MVB12B: variants seen among roughly 807,000 people sequenced by gnomAD.
MVB12B encodes ESCRT-I complex subunit MVB12B.
In MVB12B, 16 loss-of-function variants were observed where a neutral mutation model predicts 41.6. The observed-to-expected ratio is 0.38, with a 90% CI of 0.26 to 0.58. MVB12B has a LOEUF of 0.58. Among genes scored for constraint, MVB12B ranks in the 20% least tolerant of loss-of-function variants. MVB12B has a pLI of 0.62. For synonymous variants in MVB12B, 133 were observed against 139.7 expected, an observed-to-expected ratio of 0.95 and a Z score of 0.34; for missense variants, 274 against 380.2, an observed-to-expected ratio of 0.72 and a Z score of 2.32.
rs189109741 is a variant in MVB12B, at chr9:126,406,512, A to G, written c.662+10815A>G. Among the ~76,000 whole-genome samples the G allele has an allele frequency of 3.2e-3, 485 of 152,312 alleles. 4 individuals are homozygous for G. Among genetic ancestry groups the G allele is most frequent in the African/African-American group, 0.011 (454 of 41,570 alleles). On this transcript the variant is annotated intron_variant, in intron 6 of 9. Coordinates refer to ENST00000361171, the MANE Select transcript of MVB12B (RefSeq NM_033446.3). ...ACTTTGGCAGTCCCCCGACTCTTGA[A>G]TTTTCGAAAAGCGGATGTTTTAGTA... is the stretch of plus-strand genomic sequence containing the variant.
intron 6 of MVB12B, among the ~76,000 whole-genome samples, chr9:126,403,950 C>CTTTTTTTTTTTTTTTTTTTTTTTTTTTT (rs36030597): frequency 9.5e-6 from 1 of 104,752 alleles, no homozygotes; most frequent in Non-Finnish European, 1.9e-5. Flanking sequence ...TCCTTTAAAT[C>CTTTTTTTTTTTTTTTTTTTTTTTTTTTT]TTTTTTTTTT....
At chr9:126,442,812 T>C (rs10987279) in intron 7 of MVB12B, among the ~76,000 whole-genome samples, 37,342 of 152,072 alleles carry the variant, frequency 0.25, 5,396 homozygotes, top group African/African-American at 0.4. Context: ...GGCAGAAGTG[T>C]ATCCTCTTCC....
rs528718570 is a variant in MVB12B at position 126,434,720 on chromosome 9, G to T, written c.757+12772G>T. On this transcript the variant is annotated intron_variant, in intron 7 of 9. Coordinates refer to ENST00000361171, the MANE Select transcript of MVB12B (RefSeq NM_033446.3). ...CACTCACCCCTATTTTGCCAAAGGT[G>T]GTAGTGCCTTTTGTAGGCCCAAGAC... Among the ~76,000 whole-genome samples, 10 of 152,340 alleles carry T rather than the reference G, an allele frequency of 6.6e-5. No individual in the cohort carries two copies. The South Asian group carries it at 1.9e-3, about 28-fold the overall frequency.
At chr9:126,350,968 A>G (rs1829730439) in intron 2 of MVB12B, among the ~76,000 whole-genome samples, 1 of 152,210 alleles carries the variant, frequency 6.6e-6, no homozygotes, top group Non-Finnish European at 1.5e-5. Flanking sequence ...CTGCATATCA[A>G]TTTGAGGAGG....
chr9:126,371,292 G>T (rs1292250201), intron 2 of MVB12B, among the ~76,000 whole-genome samples: 1 of 152,228 alleles, frequency 6.6e-6, no homozygotes, highest in African/African-American at 2.4e-5. Flanking sequence ...AGCACTTCTG[G>T]CCCAGAGCCT....
At chr9:126,360,174 T>G (rs998816309) in intron 2 of MVB12B, among the ~76,000 whole-genome samples, 1 of 152,230 alleles carries the variant, frequency 6.6e-6, no homozygotes, top group Admixed American at 6.5e-5. Flanking sequence ...GACATCTTTT[T>G]TGACCCATAA....
chr9:126,352,086 A>C (rs1257958411), intron 2 of MVB12B, among the ~76,000 whole-genome samples: 4 of 152,066 alleles, frequency 2.6e-5, no homozygotes, highest in Non-Finnish European at 5.9e-5. Flanking sequence ...TTTATTGCTG[A>C]ATTCTCTTTG....
chr9:126,403,468 C>G (rs976610110), intron 6 of MVB12B, among the ~76,000 whole-genome samples: 1 of 152,218 alleles, frequency 6.6e-6, no homozygotes, highest in Non-Finnish European at 1.5e-5. Flanking sequence ...CAGTTGCCTG[C>G]GTCATACAGC....
At chr9:126,412,364 A>C (rs1197312313) in intron 6 of MVB12B, among the ~76,000 whole-genome samples, 1 of 151,972 alleles carries the variant, frequency 6.6e-6, no homozygotes, top group Non-Finnish European at 1.5e-5. Context: ...TCCCCTTCCT[A>C]TCTTAACTTG....
intron 2 of MVB12B, among the ~76,000 whole-genome samples, chr9:126,363,953 C>G (rs911666952): frequency 1.3e-4 from 20 of 152,188 alleles, no homozygotes; most frequent in Admixed American, 1.1e-3. Context: ...AATTACTTCT[C>G]TGTGTACTGA....
intron 6 of MVB12B, among the ~76,000 whole-genome samples, chr9:126,410,184 C>T (rs990598791): frequency 3.0e-4 from 43 of 143,254 alleles, no homozygotes; most frequent in Non-Finnish European, 3.9e-4. Context: ...CACGCATGCA[C>T]GCGCATGCAT....
chr9:126,503,113 T>C, intron 9 of MVB12B, 64 bp from the exon 10 acceptor site: 2 of 1,361,780 alleles, frequency 1.5e-6, no homozygotes, highest in Non-Finnish European at 2.1e-6. Flanking sequence ...TCTGAGGCTG[T>C]GGAGGGGTTT....
At chr9:126,425,888 G>GTTA (rs373825221) in intron 7 of MVB12B, among the ~76,000 whole-genome samples, 110 of 152,334 alleles carry the variant, frequency 7.2e-4, no homozygotes, top group African/African-American at 2.2e-3. Context: ...ACCCATCTGG[G>GTTA]TTAGGGTCAG....
At chr9:126,379,559 A>G (rs943841119) in intron 2 of MVB12B, among the ~76,000 whole-genome samples, 2 of 152,210 alleles carry the variant, frequency 1.3e-5, no homozygotes, top group African/African-American at 4.8e-5. Flanking sequence ...AGTTCCTAAA[A>G]TTATCCCCAT....
chr9:126,326,924 C>A lies in MVB12B; in HGVS notation c.-6C>A. ...CGGGCCCGGCCCCTCCCGCGCCGCCCGGGCGATGAGAAGCTGCTTCTGCGT... is the reference window on the plus strand; with the variant it reads ...CGGGCCCGGCCCCTCCCGCGCCGCCAGGGCGATGAGAAGCTGCTTCTGCGT... On this transcript the variant is annotated 5_prime_UTR_variant, in exon 1 of 10. Transcript: ENST00000361171. 1 of 265,048 alleles carries A rather than the reference C, an allele frequency of 3.8e-6. No homozygotes were observed. The highest frequency in any genetic ancestry group is 3.0e-5 in the South Asian group (1 of 33,104). 16.4% of individuals were successfully genotyped at this position (265,048 alleles called of 1,614,324 possible).
intron 7 of MVB12B, among the ~76,000 whole-genome samples, chr9:126,449,907 C>G (rs1050977205): frequency 6.6e-6 from 1 of 152,200 alleles, no homozygotes; most frequent in African/African-American, 2.4e-5. Flanking sequence ...AAGTGACTTT[C>G]CCAACATCAC....
intron 2 of MVB12B, among the ~76,000 whole-genome samples, chr9:126,343,207 C>T (rs1829496585): frequency 6.6e-6 from 1 of 152,220 alleles, no homozygotes; most frequent in Non-Finnish European, 1.5e-5. Context: ...ATTTATTGTT[C>T]CGACGTCTGC....
chr9:126,446,859 T>A (rs1310177563), intron 7 of MVB12B, among the ~76,000 whole-genome samples: 6 of 151,858 alleles, frequency 4.0e-5, no homozygotes, highest in East Asian at 1.9e-4. Flanking sequence ...AACTGCTTTT[T>A]AAATTTATAA....
chr9:126,420,835 G>A (rs1371843413), intron 6 of MVB12B, among the ~76,000 whole-genome samples: 3 of 151,632 alleles, frequency 2.0e-5, no homozygotes, highest in Non-Finnish European at 2.9e-5. Context: ...GAGCCACCGC[G>A]CCCGGCCCTC....
Sources: gnomAD v4.1 joint callset for allele counts (sites outside exome capture counted in the v4.1 genomes callset) on GRCh38, gnomAD v4.1.1 for gene constraint, MANE v1.5 for transcripts, NCBI Gene and HGNC (gene_info 2026-07-23, HGNC 2026-07-21) for gene names.